PDS5B: variants seen among roughly 807,000 people sequenced by gnomAD.
The protein encoded by PDS5B is PDS5 cohesin associated factor B, also known as sister chromatid cohesion protein PDS5 homolog B.
PDS5B carries 51 observed loss-of-function variants against 184.1 expected under a neutral mutation model. The ratio of observed to expected loss-of-function variants is 0.28; its 90% CI spans 0.22 to 0.35. The LOEUF (loss-of-function observed/expected upper bound fraction) is 0.35, where lower values mean the gene tolerates loss of function less well. Among genes scored for constraint, PDS5B ranks in the 10% least tolerant of loss-of-function variants. PDS5B has a pLI of 1.00. For synonymous variants in PDS5B, 566 were observed against 569.2 expected, an observed-to-expected ratio of 0.99 and a Z score of 0.08; for missense variants, 1,180 against 1,723.3, an observed-to-expected ratio of 0.68 and a Z score of 5.58.
chr13:32,655,382 T>A (rs1318856271), intron 3 of PDS5B, among the ~76,000 whole-genome samples: 858 of 58,712 alleles, frequency 0.015, 23 homozygotes, highest in African/African-American at 0.062. Flanking sequence ...ATATTTTTTT[T>A]TTTTTTTTTT....
chr13:32,721,373 G>T (rs2140925241), intron 19 of PDS5B, among the ~76,000 whole-genome samples: 1 of 152,020 alleles, frequency 6.6e-6, no homozygotes, highest in Middle Eastern at 3.4e-3. Context: ...CAGACGGGGT[G>T]GCTGCCGGGC....
intron 23 of PDS5B, among the ~76,000 whole-genome samples, chr13:32,743,356 C>T (rs971890354): frequency 1.3e-5 from 2 of 151,974 alleles, no homozygotes; most frequent in African/African-American, 2.4e-5. Flanking sequence ...GTACCTGGCT[C>T]ATCTAGCTGT....
Position 32,760,586 on chromosome 13 carries a change from C to G in PDS5B, c.3384C>G (p.Thr1128=). ...ATTTCTCATTTCAGCCTAAAACAAC[C>G]AATGTTCTAGGAGCTGTTAACAAGC... The part of the protein sequence containing the change: ...SFFTPGKPKT[T]NVLGAVNKPL... Residue 1128 remains threonine (T), a synonymous_variant, in exon 30 of 35, where the codon ACC becomes ACG. Transcript: ENST00000315596. The G allele has an allele frequency of 6.2e-7, 1 of 1,613,170 alleles. No individual in the cohort carries two copies. The highest frequency in any genetic ancestry group is 8.5e-7 in the Non-Finnish European group (1 of 1,179,660).
chr13:32,703,056 T>G (rs939893687), intron 17 of PDS5B, among the ~76,000 whole-genome samples: 2 of 152,058 alleles, frequency 1.3e-5, no homozygotes, highest in African/African-American at 2.4e-5. Flanking sequence ...CCAAATGATG[T>G]GGAGAATAGT....
intron 30 of PDS5B, chr13:32,763,313 G>A (rs1954472848): frequency 2.0e-5 from 3 of 152,596 alleles, no homozygotes. Flanking sequence ...GATGATTTGT[G>A]CAGAATGTAC....
At chr13:32,589,496 G>T (rs1240310591) in intron 1 of PDS5B, among the ~76,000 whole-genome samples, 1 of 151,832 alleles carries the variant, frequency 6.6e-6, no homozygotes, top group African/African-American at 2.4e-5. Context: ...TCTGTCTCCG[G>T]GAGCCGTCTT....
chr13:32,729,915 G>A (rs1056854912), intron 19 of PDS5B, among the ~76,000 whole-genome samples: 1 of 152,134 alleles, frequency 6.6e-6, no homozygotes, highest in Non-Finnish European at 1.5e-5. Context: ...CTGATGATAA[G>A]TTTCTTTTGC....
At chr13:32,622,811 C>A (rs973014785) in intron 1 of PDS5B, among the ~76,000 whole-genome samples, 1 of 152,084 alleles carries the variant, frequency 6.6e-6, no homozygotes, top group African/African-American at 2.4e-5. Flanking sequence ...TTTGTTTGGT[C>A]TGATGAGAAT....
intron 8 of PDS5B, 119 bp downstream of exon 8, chr13:32,673,475 C>A: frequency 1.2e-6 from 1 of 802,224 alleles, no homozygotes; most frequent in Non-Finnish European, 1.9e-6. Context: ...GGAAGTATTA[C>A]TATTATTTCT....
chr13:32,589,376 C>T (rs939518753), intron 1 of PDS5B, among the ~76,000 whole-genome samples: 2 of 152,050 alleles, frequency 1.3e-5, no homozygotes, highest in South Asian at 2.1e-4. Context: ...TTCATTTAAC[C>T]AAGAATAAAG....
chr13:32,620,803 T>C (rs1285714475), intron 1 of PDS5B, among the ~76,000 whole-genome samples: 1 of 152,230 alleles, frequency 6.6e-6, no homozygotes, highest in East Asian at 1.9e-4. Flanking sequence ...TTCTTTTTAT[T>C]GTTATTTTTA....
intron 21 of PDS5B, among the ~76,000 whole-genome samples, chr13:32,736,925 A>G (rs1337491024): frequency 1.3e-5 from 2 of 152,130 alleles, no homozygotes; most frequent in South Asian, 2.1e-4. Context: ...AATTTCACAT[A>G]TATACACATA....
chr13:32,681,430 C>T (rs1172255217), intron 10 of PDS5B, among the ~76,000 whole-genome samples: 1 of 151,992 alleles, frequency 6.6e-6, no homozygotes, highest in Non-Finnish European at 1.5e-5. Flanking sequence ...TGAGACCAGC[C>T]CAGCCAACAT....
chr13:32,750,911 A>G (rs1216656985), intron 24 of PDS5B, among the ~76,000 whole-genome samples: 3 of 149,764 alleles, frequency 2.0e-5, no homozygotes, highest in Admixed American at 2.0e-4. Context: ...GTTCAGGGGT[A>G]CATGTACAGG....
chr13:32,760,915 CTT>C (rs1954372755), intron 30 of PDS5B, among the ~76,000 whole-genome samples, 195 bp downstream of exon 30: 1 of 152,172 alleles, frequency 6.6e-6, no homozygotes, highest in Admixed American at 6.5e-5. Context: ...CTGTCTTAGT[CTT>C]TCATTCTTTA....
chr13:32,676,734 A>G (rs1951074246), intron 9 of PDS5B, among the ~76,000 whole-genome samples: 1 of 152,094 alleles, frequency 6.6e-6, no homozygotes, highest in Admixed American at 6.5e-5. Context: ...GATCGAGACC[A>G]TCCTGGCTAA....
intron 16 of PDS5B, among the ~76,000 whole-genome samples, chr13:32,700,286 G>T (rs1262726241): frequency 2.0e-5 from 3 of 151,980 alleles, no homozygotes; most frequent in African/African-American, 7.2e-5. Context: ...AAGTACAATT[G>T]CATGGGCTAA....
chr13:32,660,570 T>TC (rs1256298010), intron 6 of PDS5B, among the ~76,000 whole-genome samples: 1 of 152,206 alleles, frequency 6.6e-6, no homozygotes, highest in Non-Finnish European at 1.5e-5. Flanking sequence ...ACTTGTCAAC[T>TC]GTGCCAAGAC....
chr13:32,766,368 C>T (rs1407733146), intron 31 of PDS5B, among the ~76,000 whole-genome samples: 3 of 152,176 alleles, frequency 2.0e-5, no homozygotes, highest in East Asian at 3.8e-4. Flanking sequence ...CTCTATTTTT[C>T]ATAGAACTGT....
Sources: allele counts gnomAD v4.1 joint callset (sites outside exome capture counted in the v4.1 genomes callset), GRCh38; gene constraint gnomAD v4.1.1; transcripts MANE v1.5; gene names NCBI Gene and HGNC (gene_info 2026-07-23, HGNC 2026-07-21).